The following NTM variants were observed in gnomAD, a reference collection of about 807,000 sequenced individuals.
NTM encodes the protein neurotrimin, also known as IgLON family member 2.
A neutral mutation model predicts 42.1 loss-of-function variants in NTM; 13 were observed. The observed-to-expected ratio is 0.31, with a 90% CI of 0.20 to 0.49. The LOEUF (loss-of-function observed/expected upper bound fraction) is 0.49. NTM is among the 20% of genes least tolerant of loss of function. NTM has a pLI of 0.99. For synonymous variants in NTM, 187 were observed against 179.2 expected (o/e 1.04, Z -0.35); for missense variants, 373 against 452.8 (o/e 0.82, Z 1.60).
intron 1 of NTM, among the ~76,000 whole-genome samples, chr11:131,531,668 T>C (rs1482114732): frequency 6.6e-6 from 1 of 152,204 alleles, no homozygotes; most frequent in Non-Finnish European, 1.5e-5. Context: ...TAAATATTTA[T>C]CGAATTTCTA....
At chr11:131,687,767 C>A (rs1221786438) in intron 1 of NTM, among the ~76,000 whole-genome samples, 2 of 152,074 alleles carry the variant, frequency 1.3e-5, no homozygotes, top group Non-Finnish European at 2.9e-5. Flanking sequence ...GCGAGGGGGC[C>A]CCTGGGTCTG....
At chr11:132,055,817 C>G (rs532651934) in intron 2 of NTM, among the ~76,000 whole-genome samples, 72 of 152,176 alleles carry the variant, frequency 4.7e-4, no homozygotes, top group Non-Finnish European at 8.4e-4. Context: ...CCCTGTGCCT[C>G]TCTGAGCTTC....
At chr11:131,711,802 T>A (rs1268538667) in intron 1 of NTM, among the ~76,000 whole-genome samples, 2 of 151,760 alleles carry the variant, frequency 1.3e-5, no homozygotes, top group African/African-American at 4.8e-5. Context: ...TATGCAGCCA[T>A]AAAAAATGAC....
At chr11:131,640,838 G>A (rs146757678) in intron 1 of NTM, among the ~76,000 whole-genome samples, 4 of 152,266 alleles carry the variant, frequency 2.6e-5, no homozygotes, top group Non-Finnish European at 5.9e-5. Flanking sequence ...ACTGTATCTG[G>A]CGCACAGTGT....
At chr11:131,452,372 C>A (rs568321359) in intron 1 of NTM, among the ~76,000 whole-genome samples, 1 of 152,326 alleles carries the variant, frequency 6.6e-6, no homozygotes, top group Non-Finnish European at 1.5e-5. Context: ...CCTTTGAAGG[C>A]ATCCTCTTTT....
At chr11:132,122,821 T>C (rs1224151957) in intron 2 of NTM, among the ~76,000 whole-genome samples, 3 of 152,224 alleles carry the variant, frequency 2.0e-5, no homozygotes, top group African/African-American at 7.2e-5. Flanking sequence ...TCAGAATTTT[T>C]CTGGGTTTGT....
At chr11:131,372,370 G>A (rs1031954134) in intron 1 of NTM, among the ~76,000 whole-genome samples, 2 of 152,124 alleles carry the variant, frequency 1.3e-5, no homozygotes, top group Non-Finnish European at 2.9e-5. Flanking sequence ...GGGCTTTGGT[G>A]GGTGTTTGAG....
At chr11:131,837,857 G>A (rs2043714505) in intron 1 of NTM, among the ~76,000 whole-genome samples, 1 of 152,172 alleles carries the variant, frequency 6.6e-6, no homozygotes, top group South Asian at 2.1e-4. Context: ...GTTCTAACTG[G>A]AGATGACTTT....
intron 1 of NTM, among the ~76,000 whole-genome samples, chr11:131,742,759 A>G (rs1380906764): frequency 6.6e-6 from 1 of 152,234 alleles, no homozygotes; most frequent in South Asian, 2.1e-4. Flanking sequence ...CTATGGGAGA[A>G]ACAGAAAGAA....
At chr11:131,531,466 C>T (rs1310016499) in intron 1 of NTM, among the ~76,000 whole-genome samples, 1 of 152,156 alleles carries the variant, frequency 6.6e-6, no homozygotes. Flanking sequence ...GGATTTAATG[C>T]TAAGTGTGTC....
Position 132,052,528 on chromosome 11 carries a change from C to T in NTM, c.168-93754C>T, listed in dbSNP as rs181158179. 1.6e-4 allele frequency among the ~76,000 whole-genome samples: 24 copies of T among 152,304 alleles called. No homozygotes were observed. In the East Asian group the frequency reaches 4.4e-3, roughly 28 times the overall value. ...GGAGAGTGAGATTCAGAGAGATGTA[C>T]TCCACCCTGTTCATTCCAGAAGAGT... On this transcript the variant is annotated intron_variant, in intron 2 of 8. Coordinates refer to ENST00000683400, the MANE Select transcript of NTM (RefSeq NM_001352005.2).
At chr11:132,205,967 A>G (rs976688146) in intron 3 of NTM, among the ~76,000 whole-genome samples, 5 of 152,174 alleles carry the variant, frequency 3.3e-5, no homozygotes, top group African/African-American at 1.2e-4. Context: ...GCAGCCGTCC[A>G]GATGCTACTT....
chr11:132,236,236 G>A (rs991886235), intron 4 of NTM, among the ~76,000 whole-genome samples: 1 of 152,164 alleles, frequency 6.6e-6, no homozygotes, highest in Admixed American at 6.5e-5. Context: ...AAGTACCATT[G>A]TAATCTTCAT....
At chr11:131,584,419 G>A (rs1372645132) in intron 1 of NTM, among the ~76,000 whole-genome samples, 3 of 152,276 alleles carry the variant, frequency 2.0e-5, no homozygotes, top group African/African-American at 4.8e-5. Flanking sequence ...AGGCAGGGGC[G>A]GAGGCCATGA....
In NTM at chr11:131,812,183, CCTCTCT is replaced by C. The variant is rs145003478; in HGVS notation, c.83-99348_83-99343del. Among the ~76,000 whole-genome samples, 1,150 of 143,020 alleles carry C rather than the reference CCTCTCT, an allele frequency of 8.0e-3. 17 individuals carry two copies. Among genetic ancestry groups the C allele is most frequent in the African/African-American group, 0.028 (1,004 of 36,298 alleles). 93.8% of individuals were successfully genotyped at this position (143,020 alleles called of 152,430 possible). ...CTTTGTCAGAAAGATAATTAGTCAG[CCTCTCT>C]CTCTCTCTCTCTCTCTCTCTCTCTC... On this transcript the variant is annotated intron_variant, in intron 1 of 8. Coordinates refer to ENST00000683400, the MANE Select transcript of NTM (RefSeq NM_001352005.2).
At chr11:131,834,625 CATATATAT>C (rs10604283) in intron 1 of NTM, among the ~76,000 whole-genome samples, 5 of 133,986 alleles carry the variant, frequency 3.7e-5, no homozygotes, top group South Asian at 4.6e-4. Flanking sequence ...TATACATATA[CATATATAT>C]ATATATATAT....
chr11:131,799,472 G>T (rs1274852975), intron 1 of NTM, among the ~76,000 whole-genome samples: 1 of 152,160 alleles, frequency 6.6e-6, no homozygotes, highest in East Asian at 1.9e-4. Flanking sequence ...GTAATGTGGG[G>T]CCATACGTAG....
intron 1 of NTM, among the ~76,000 whole-genome samples, chr11:131,432,839 C>CCTTTTT (rs1565494793): frequency 4.4e-5 from 3 of 68,692 alleles, no homozygotes; most frequent in Non-Finnish European, 7.7e-5. Flanking sequence ...ATTTAGCATT[C>CCTTTTT]TTTTTTTTTT....
At chr11:131,912,068 C>T (rs2055192826) in intron 2 of NTM, among the ~76,000 whole-genome samples, 1 of 152,158 alleles carries the variant, frequency 6.6e-6, no homozygotes, top group Non-Finnish European at 1.5e-5. Context: ...AGTGAATGCC[C>T]CCACTCGCCC....
Sources: allele counts gnomAD v4.1 joint callset (sites outside exome capture counted in the v4.1 genomes callset), GRCh38; gene constraint gnomAD v4.1.1; transcripts MANE v1.5; gene names NCBI Gene and HGNC (gene_info 2026-07-23, HGNC 2026-07-21).